The following PAK1 variants were observed in gnomAD, a reference collection of about 807,000 sequenced individuals.
The protein encoded by PAK1 is p21 (RAC1) activated kinase 1.
Under a neutral mutation model 67.4 loss-of-function variants are expected in PAK1, and 29 were observed. The ratio of observed to expected loss-of-function variants is 0.43; its 90% CI spans 0.32 to 0.59. The LOEUF is 0.59. Ranked by LOEUF, PAK1 falls within the 20% of genes least tolerant of loss-of-function variation. The probability of loss-of-function intolerance (pLI) is 0.07; values close to 1 mark genes in which losing one functional copy is unlikely to be tolerated. For missense variants in PAK1, 337 were observed against 670.7 expected (o/e 0.50, Z 5.50); for synonymous variants, 223 against 237.4 (o/e 0.94, Z 0.56).
At chr11:77,520,767 A>T in the PAK1 span, among the ~76,000 whole-genome samples, 1 of 152,202 alleles carries the variant, frequency 6.6e-6, no homozygotes, top group African/African-American at 2.4e-5. Context: ...GTACAGAAAG[A>T]TGAATGGCTA....
chr11:77,508,484 T>C, the PAK1 span, among the ~76,000 whole-genome samples: 37 of 152,062 alleles, frequency 2.4e-4, no homozygotes, highest in Admixed American at 2.4e-3. Context: ...CCTCCCACCA[T>C]AGTTGATATT....
chr11:77,333,440 C>G (rs920794049), intron 13 of PAK1, among the ~76,000 whole-genome samples: 3 of 152,226 alleles, frequency 2.0e-5, no homozygotes, highest in African/African-American at 7.2e-5. Flanking sequence ...TCAAGTGATC[C>G]TCCTGCCTCA....
chr11:77,431,423 T>C (rs969293773), intron 1 of PAK1, among the ~76,000 whole-genome samples: 7 of 152,170 alleles, frequency 4.6e-5, no homozygotes, highest in Admixed American at 6.5e-5. Context: ...TGTTTAACAA[T>C]GAGTTAAACA....
upstream of PAK1, chr11:77,475,275 T>A (rs1341792225): frequency 1.3e-5 from 2 of 152,234 alleles, no homozygotes; most frequent in Non-Finnish European, 2.9e-5. Flanking sequence ...TAGCTTCTCC[T>A]AAATATTTTT....
At chr11:77,326,292 G>A (rs1192735751) in intron 14 of PAK1, among the ~76,000 whole-genome samples, 3 of 152,142 alleles carry the variant, frequency 2.0e-5, no homozygotes, top group Admixed American at 6.5e-5. Context: ...CCCACAAACT[G>A]GCAAAATCTC....
chr11:77,377,689 C>T (rs1325950187), intron 4 of PAK1, among the ~76,000 whole-genome samples: 3 of 152,206 alleles, frequency 2.0e-5, no homozygotes, highest in Non-Finnish European at 4.4e-5. Flanking sequence ...TTTACATACA[C>T]ATTTACATGC....
the PAK1 span, among the ~76,000 whole-genome samples, chr11:77,488,596 T>C: frequency 2.0e-5 from 3 of 151,978 alleles, no homozygotes; most frequent in East Asian, 3.9e-4. Flanking sequence ...AGCAAAGAGA[T>C]TGAAATAACT....
the PAK1 span, among the ~76,000 whole-genome samples, chr11:77,512,459 T>C: frequency 6.6e-6 from 1 of 152,174 alleles, no homozygotes; most frequent in Non-Finnish European, 1.5e-5. Context: ...AGGTGACTCA[T>C]GTCTACTGGT....
rs1945961361 is a variant in PAK1 at position 77,355,837 on chromosome 11, G to A, written c.603C>T (p.Tyr201=). Residue 201 remains tyrosine (Y), a synonymous_variant, in exon 7 of 15, where the codon TAC becomes TAT. Transcript: ENST00000356341. Reference sequence around the variant, plus strand: ...GAAGTGGTTCAATCACAGACCGTGTGTATACCTGCATTATTAGTGCAAAAT... The same window carrying A: ...GAAGTGGTTCAATCACAGACCGTGTATATACCTGCATTATTAGTGCAAAAT... ...APRPEHTKSV[Y]TRSVIEPLPV... 2 of 1,613,014 alleles carry A rather than the reference G, an allele frequency of 1.2e-6. No homozygotes were observed. Among genetic ancestry groups the A allele is most frequent in the African/African-American group, 1.3e-5 (1 of 75,002 alleles).
intron 10 of PAK1, among the ~76,000 whole-genome samples, chr11:77,341,497 T>C (rs926824017): frequency 5.3e-5 from 8 of 152,174 alleles, no homozygotes; most frequent in Admixed American, 2.6e-4. Context: ...TTTAGTAAGA[T>C]ATCCCCAGAG....
chr11:77,346,674 T>C (rs1944471025), intron 9 of PAK1, among the ~76,000 whole-genome samples: 1 of 152,220 alleles, frequency 6.6e-6, no homozygotes, highest in African/African-American at 2.4e-5. Flanking sequence ...CGCTACTGTT[T>C]ATCAAATACC....
intron 1 of PAK1, among the ~76,000 whole-genome samples, chr11:77,442,712 A>G (rs1956408186): frequency 6.6e-6 from 1 of 152,190 alleles, no homozygotes; most frequent in South Asian, 2.1e-4. Flanking sequence ...TAAAACTGCT[A>G]GTTTTGCAGG....
chr11:77,479,203 C>T (rs185329965), upstream of PAK1, among the ~76,000 whole-genome samples: 7 of 152,176 alleles, frequency 4.6e-5, no homozygotes, highest in African/African-American at 1.2e-4. Flanking sequence ...CATACCGTCA[C>T]GAGTTCTATG....
At position 77,439,586 on chromosome 11, in the gene PAK1, A is replaced by C. The variant is rs1592480148; in HGVS notation, c.-22+33966T>G. Among the ~76,000 whole-genome samples, 7 of 152,300 alleles carry C rather than the reference A, an allele frequency of 4.6e-5. No individual in the cohort carries two copies. In the South Asian group the frequency reaches 1.5e-3, roughly 32 times the overall value. ...CTCTTTTCAGACAATTACAGAAAGAATAACCCTTAGCAGACTTCTAGAGAA... is the reference window on the plus strand; with the variant it reads ...CTCTTTTCAGACAATTACAGAAAGACTAACCCTTAGCAGACTTCTAGAGAA... On this transcript the variant is annotated intron_variant, in intron 1 of 14. Coordinates refer to ENST00000356341, the MANE Select transcript of PAK1 (RefSeq NM_002576.5).
At chr11:77,368,403 C>A (rs1591994515) in intron 5 of PAK1, among the ~76,000 whole-genome samples, 1 of 152,298 alleles carries the variant, frequency 6.6e-6, no homozygotes, top group South Asian at 2.1e-4. Context: ...ATAGAGAACG[C>A]CCCATTTTGA....
At chr11:77,469,356 CA>C (rs1411697610) in intron 1 of PAK1, among the ~76,000 whole-genome samples, 4 of 152,136 alleles carry the variant, frequency 2.6e-5, no homozygotes, top group Non-Finnish European at 2.9e-5. Context: ...TTAAACATCT[CA>C]TATAGGGCCT....
chr11:77,381,658 A>G (rs1325382570), intron 2 of PAK1, among the ~76,000 whole-genome samples: 1 of 152,218 alleles, frequency 6.6e-6, no homozygotes, highest in African/African-American at 2.4e-5. Context: ...CAATCCTACA[A>G]GATAGATATT....
chr11:77,398,234 A>C (rs1488240362), intron 1 of PAK1, among the ~76,000 whole-genome samples: 1 of 152,184 alleles, frequency 6.6e-6, no homozygotes, highest in Non-Finnish European at 1.5e-5. Context: ...GTACCCATTA[A>C]CCATCCCTCC....
chr11:77,339,669 A>C (rs1377470), intron 11 of PAK1, among the ~76,000 whole-genome samples: 47,661 of 151,908 alleles, frequency 0.31, 7,657 homozygotes, highest in South Asian at 0.46. Context: ...ATAACTACAT[A>C]ATTTCAGCAG....
Sources: gnomAD v4.1 joint callset for allele counts (sites outside exome capture counted in the v4.1 genomes callset) on GRCh38, gnomAD v4.1.1 for gene constraint, MANE v1.5 for transcripts, NCBI Gene and HGNC (gene_info 2026-07-23, HGNC 2026-07-21) for gene names.